NUP155: variants seen among roughly 807,000 people sequenced by gnomAD.
NUP155 encodes the protein nuclear pore complex protein Nup155.
Under a neutral mutation model 180.4 loss-of-function variants are expected in NUP155, and 71 were observed. The ratio of observed to expected loss-of-function variants is 0.39; its 90% confidence interval spans 0.33 to 0.48. NUP155 has a LOEUF of 0.48. Ranked by LOEUF, NUP155 falls within the 20% of genes least tolerant of loss-of-function variation. The probability of loss-of-function intolerance (pLI) is 0.91; values close to 1 mark genes in which losing one functional copy is unlikely to be tolerated. For missense variants in NUP155, 1,553 were observed against 1,648.9 expected (o/e 0.94, Z 1.01); for synonymous variants, 582 against 559.5 (o/e 1.04, Z -0.57).
Position 37,294,466 on chromosome 5 carries a change from CT to C in NUP155, c.3794-2del. On this transcript the variant is annotated splice_acceptor_variant, in intron 32 of 34. Transcript: ENST00000231498. LOFTEE classifies it high-confidence loss of function. The stretch of plus-strand genomic sequence containing the variant: ...TGTTCTAAAAACTGTACAATAAAAT[CT>C]GGGAAGAAAAAAAAAGATCGGAAAT... The C allele has an allele frequency of 6.2e-7, 1 of 1,613,078 alleles. No individual in the cohort carries two copies. The highest frequency in any genetic ancestry group is 1.1e-5 in the South Asian group (1 of 91,042).
chr5:37,356,641 GA>G (rs1746848426), intron 4 of NUP155, among the ~76,000 whole-genome samples: 1 of 148,838 alleles, frequency 6.7e-6, no homozygotes, highest in Admixed American at 6.7e-5. Context: ...CTCTGTAACA[GA>G]AAAAAAAAGA....
chr5:37,310,504 A>C (rs370681698), intron 23 of NUP155, 48 bp downstream of exon 23: 26 of 1,485,954 alleles, frequency 1.7e-5, no homozygotes, highest in Non-Finnish European at 2.3e-5. Flanking sequence ...TTCATCATAC[A>C]TGATACCTCT....
chr5:37,370,005 C>T (rs1257720760), intron 1 of NUP155, among the ~76,000 whole-genome samples: 2 of 151,366 alleles, frequency 1.3e-5, no homozygotes, highest in African/African-American at 2.5e-5. Flanking sequence ...TTTCCCTGTT[C>T]TCTTTCTTTA....
intron 10 of NUP155, among the ~76,000 whole-genome samples, chr5:37,341,907 G>A (rs1049044999): frequency 1.3e-5 from 2 of 152,160 alleles, no homozygotes; most frequent in Non-Finnish European, 2.9e-5. Flanking sequence ...AATGTCACTC[G>A]AAATTGAGAG....
At position 37,327,509 on chromosome 5, in the gene NUP155, A is replaced by T. The variant is rs1253699191; in HGVS notation, c.2024+120T>A. On this transcript the variant is annotated intron_variant, in intron 18 of 34. Transcript: ENST00000231498. Reference sequence around the variant, plus strand: ...AATAGAAAAGTTTTATTGATCAACAAGTGAGCTAAAACTAAAATTTAATAG... The same window carrying T: ...AATAGAAAAGTTTTATTGATCAACATGTGAGCTAAAACTAAAATTTAATAG... 5 of 1,035,022 alleles carry T rather than the reference A, an allele frequency of 4.8e-6. No homozygotes were observed. The African/African-American group carries it at 8.0e-5, about 17-fold the overall frequency. 64.1% of individuals were successfully genotyped at this position (1,035,022 alleles called of 1,614,324 possible).
intron 23 of NUP155, 143 bp from the exon 24 acceptor site, chr5:37,309,410 AT>A: frequency 1.4e-6 from 1 of 721,830 alleles, no homozygotes; most frequent in Non-Finnish European, 2.2e-6. Flanking sequence ...TTACTTCTTA[AT>A]TTTAGGCAGA....
intron 4 of NUP155, among the ~76,000 whole-genome samples, chr5:37,355,542 T>A (rs1346341200): frequency 7.2e-6 from 1 of 138,532 alleles, no homozygotes; most frequent in Non-Finnish European, 1.5e-5. Context: ...AATGTGTGTG[T>A]GTGTGTATAT....
rs1159891404 is a variant in NUP155, at chr5:37,291,912, T to C, written c.4164A>G (p.Glu1388=). 6 of 1,614,008 alleles carry C rather than the reference T, an allele frequency of 3.7e-6. No homozygotes were observed. The highest frequency in any genetic ancestry group is 5.1e-6 in the Non-Finnish European group (6 of 1,179,924). ...GNFKSLQAKL[E]RLH ...TATATCACAGTAATTAATGAAGCCG[T>C]TCTAATTTAGCTTGAAGAGATTTAA... Residue 1388 remains glutamate, a synonymous_variant, in exon 35 of 35, where the codon GAA becomes GAG. Transcript: ENST00000231498.
At chr5:37,321,494 G>A (rs928839646) in intron 20 of NUP155, among the ~76,000 whole-genome samples, 39 of 152,228 alleles carry the variant, frequency 2.6e-4, no homozygotes, top group South Asian at 8.3e-4. Context: ...TGAGGCGGGC[G>A]GAGCACGAAG....
Position 37,291,859 on chromosome 5 carries a change from A to G in NUP155, c.*41T>C, listed in dbSNP as rs181002881. ...GATATCTGGACCCAGCTGAGTTTTT[A>G]TTTTACAGATCATAAAACGGATGAA... On this transcript the variant is annotated 3_prime_UTR_variant, in exon 35 of 35. Coordinates refer to ENST00000231498, the MANE Select transcript of NUP155 (RefSeq NM_153485.3). 618 of 1,597,522 alleles carry G rather than the reference A, an allele frequency of 3.9e-4. 3 individuals carry two copies. The African/African-American group carries it at 7.0e-3, about 18-fold the overall frequency.
chr5:37,314,066 C>T, intron 22 of NUP155, 132 bp downstream of exon 22: 1 of 668,444 alleles, frequency 1.5e-6, no homozygotes, highest in African/African-American at 1.8e-5. Context: ...TTTGTGCCAT[C>T]TTCCCATAAC....
Position 37,355,047 on chromosome 5 carries a change from G to A in NUP155, c.464-2218C>T, listed in dbSNP as rs375976843. On this transcript the variant is annotated intron_variant, in intron 4 of 34. Coordinates refer to ENST00000231498, the MANE Select transcript of NUP155 (RefSeq NM_153485.3). Reference sequence around the variant, plus strand: ...GCGGAGGTTGCAGTGAGCCGAGATCGTGCCATTGCACTCCAGCCTGGGCGA... The same window carrying A: ...GCGGAGGTTGCAGTGAGCCGAGATCATGCCATTGCACTCCAGCCTGGGCGA... Among the ~76,000 whole-genome samples, 7 of 149,528 alleles carry A rather than the reference G, an allele frequency of 4.7e-5. No individual in the cohort carries two copies. The South Asian group carries it at 6.4e-4, about 14-fold the overall frequency.
chr5:37,292,933 T>A lies in NUP155; in HGVS notation c.3983A>T (p.His1328Leu), dbSNP rs1206678170. The change falls in exon 34 of 35, where the codon CAT (histidine) becomes CTT (leucine). Residue 1328 changes from histidine (H) to leucine (L), a missense_variant. His to Leu is a moderately conservative substitution (Grantham distance 99). Transcript: ENST00000231498. Reference protein sequence around the residue: ...KKPLHLLDCIHVLLIRYVENP... With the variant: ...KKPLHLLDCILVLLIRYVENP... ...CTCAACATATCTTATCAATAATACA[T>A]GTATACAATCCAAAAGGTGCAGTGG... The A allele has an allele frequency of 1.9e-6, 3 of 1,612,810 alleles. No individual in the cohort carries two copies. The Admixed American group carries it at 5.0e-5, about 27-fold the overall frequency.
At chr5:37,339,723 T>C (rs1745585866) in intron 11 of NUP155, among the ~76,000 whole-genome samples, 1 of 152,218 alleles carries the variant, frequency 6.6e-6, no homozygotes, top group Admixed American at 6.5e-5. Context: ...GATATACTGA[T>C]TCAGCTATCA....
At chr5:37,299,389 C>A in intron 31 of NUP155, 59 bp downstream of exon 31, 3 of 1,598,026 alleles carry the variant, frequency 1.9e-6, no homozygotes, top group Admixed American at 3.3e-5. Context: ...TAGCAGCTTG[C>A]ATTCCTCCAC....
intron 1 of NUP155, among the ~76,000 whole-genome samples, chr5:37,367,699 A>C (rs1357064307): frequency 6.6e-6 from 1 of 151,562 alleles, no homozygotes; most frequent in Non-Finnish European, 1.5e-5. Context: ...CGCCCGGCTA[A>C]TTATTTTGTA....
chr5:37,296,655 C>T (rs1409017578), intron 32 of NUP155, among the ~76,000 whole-genome samples: 2 of 151,352 alleles, frequency 1.3e-5, no homozygotes, highest in Non-Finnish European at 2.9e-5. Context: ...TGCCAAATCC[C>T]CCTCTGCGAG....
At chr5:37,357,931 T>C (rs1746950428) in intron 4 of NUP155, 150 bp downstream of exon 4, 1 of 613,234 alleles carries the variant, frequency 1.6e-6, no homozygotes, top group Non-Finnish European at 3.1e-6. Context: ...AGGCGGAGAT[T>C]GCAGTGAGCC....
chr5:37,357,031 T>C (rs1296322370), intron 4 of NUP155, among the ~76,000 whole-genome samples: 1 of 151,962 alleles, frequency 6.6e-6, no homozygotes, highest in African/African-American at 2.4e-5. Flanking sequence ...CGCTCAATCC[T>C]GGGAGGCGGA....
Sources: gnomAD v4.1 joint callset for allele counts (sites outside exome capture counted in the v4.1 genomes callset) on GRCh38, gnomAD v4.1.1 for gene constraint, MANE v1.5 for transcripts, NCBI Gene and HGNC (gene_info 2026-07-23, HGNC 2026-07-21) for gene names.